The following ZDHHC14 variants were observed in gnomAD, a reference collection of about 807,000 sequenced individuals.
ZDHHC14 encodes the protein zDHHC palmitoyltransferase 14.
A neutral mutation model predicts 47.7 loss-of-function variants in ZDHHC14; 16 were observed. That is an observed-to-expected ratio of 0.34 (90% CI 0.23 to 0.51). The LOEUF (loss-of-function observed/expected upper bound fraction) is 0.51. Among genes scored for constraint, ZDHHC14 ranks in the 20% least tolerant of loss-of-function variants. The probability of loss-of-function intolerance (pLI) is 0.97; values close to 1 mark genes in which losing one functional copy is unlikely to be tolerated. For synonymous variants in ZDHHC14, 293 were observed against 278.9 expected (o/e 1.05, Z -0.50); for missense variants, 515 against 662.5 (o/e 0.78, Z 2.44).
intron 1 of ZDHHC14, among the ~76,000 whole-genome samples, chr6:157,443,986 A>T (rs1778610993): frequency 6.9e-6 from 1 of 144,696 alleles, no homozygotes; most frequent in South Asian, 2.1e-4. Flanking sequence ...TATTTTTCAG[A>T]GTCAGCTAGC....
chr6:157,619,491 T>C (rs1298852016), intron 3 of ZDHHC14, among the ~76,000 whole-genome samples: 1 of 152,200 alleles, frequency 6.6e-6, no homozygotes, highest in Non-Finnish European at 1.5e-5. Context: ...CTCTGTTGTC[T>C]AGTAGTCAAG....
intron 3 of ZDHHC14, among the ~76,000 whole-genome samples, chr6:157,619,357 C>CTCCA (rs1249818761): frequency 6.6e-6 from 1 of 152,216 alleles, no homozygotes; most frequent in Non-Finnish European, 1.5e-5. Flanking sequence ...CACCACTGTA[C>CTCCA]TCCAGCCTGG....
chr6:157,677,781 C>T lies in ZDHHC14; in HGVS notation c.*4659C>T, dbSNP rs1320572739. On this transcript the variant is annotated 3_prime_UTR_variant, in exon 9 of 9. Transcript: ENST00000359775. ...CAAGATGCCTGGTGAAACCGAGAGG[C>T]CACATGGCATGTCCAAGGAGACATG... 1 of 151,602 alleles carries T rather than the reference C, an allele frequency of 6.6e-6. No homozygotes were observed. The highest frequency in any genetic ancestry group is 1.5e-5 in the Non-Finnish European group (1 of 67,966). The allele number at this position is 151,602 out of a possible 1,614,324, so 9.4% of individuals were successfully genotyped here. A position where few individuals can be genotyped will look rare whatever the true frequency, so the allele number is the denominator to read the frequency against.
chr6:157,617,382 C>T (rs991788737), intron 3 of ZDHHC14, among the ~76,000 whole-genome samples: 3 of 152,116 alleles, frequency 2.0e-5, no homozygotes, highest in East Asian at 1.9e-4. Flanking sequence ...AGAGGGTCCT[C>T]GTTCTTTTTG....
At chr6:157,391,122 C>T (rs752917787) in intron 1 of ZDHHC14, among the ~76,000 whole-genome samples, 10 of 152,194 alleles carry the variant, frequency 6.6e-5, no homozygotes. Context: ...ATCAGGACTT[C>T]CCCCTTAGCA....
At chr6:157,454,208 C>G (rs751880705) in intron 1 of ZDHHC14, among the ~76,000 whole-genome samples, 1 of 152,168 alleles carries the variant, frequency 6.6e-6, no homozygotes, top group South Asian at 2.1e-4. Context: ...GCACTTCCAT[C>G]ATCCAAAACA....
intron 1 of ZDHHC14, among the ~76,000 whole-genome samples, chr6:157,434,356 GC>G (rs755106263): frequency 2.6e-5 from 4 of 151,914 alleles, no homozygotes; most frequent in Non-Finnish European, 4.4e-5. Context: ...CTGCCAGCCG[GC>G]CGAGAACACC....
chr6:157,394,549 G>A (rs1278783613), intron 1 of ZDHHC14, among the ~76,000 whole-genome samples: 4 of 152,180 alleles, frequency 2.6e-5, no homozygotes, highest in Non-Finnish European at 2.9e-5. Flanking sequence ...CATAGCAATA[G>A]AGGTGACAGT....
At chr6:157,558,001 T>A (rs775067716) in intron 2 of ZDHHC14, among the ~76,000 whole-genome samples, 34 of 152,266 alleles carry the variant, frequency 2.2e-4, no homozygotes, top group Non-Finnish European at 1.5e-5. Context: ...CAGCAGCCAC[T>A]GTATAATAGT....
chr6:157,522,983 T>TCCTTCCTTCC (rs1562461110), intron 1 of ZDHHC14, among the ~76,000 whole-genome samples: 100 of 34,972 alleles, frequency 2.9e-3, no homozygotes, highest in African/African-American at 0.018. Context: ...TTCTTTTCTT[T>TCCTTCCTTCC]TTCTTTTCTT....
At chr6:157,601,674 A>T (rs1453232551) in intron 3 of ZDHHC14, among the ~76,000 whole-genome samples, 1 of 152,240 alleles carries the variant, frequency 6.6e-6, no homozygotes, top group East Asian at 1.9e-4. Flanking sequence ...TTTCAAACCT[A>T]GAACGATGCA....
At chr6:157,523,065 A>G (rs1324265696) in intron 1 of ZDHHC14, among the ~76,000 whole-genome samples, 1 of 149,572 alleles carries the variant, frequency 6.7e-6, no homozygotes, top group Admixed American at 6.7e-5. Context: ...ACAGACATCT[A>G]GGGCGGCTGT....
rs992874497 is a variant in ZDHHC14 at position 157,381,391 on chromosome 6, G to A, written c.-631G>A. On this transcript the variant is annotated 5_prime_UTR_variant, in exon 1 of 9. Coordinates refer to ENST00000359775, the MANE Select transcript of ZDHHC14 (RefSeq NM_024630.3). ...GCGACACCGGGTCGCGGTGCGAGCG[G>A]CGCCCCGGCTCTCGCCGAGAGGCTC... The A allele has an allele frequency of 6.5e-5, 12 of 184,420 alleles. No homozygotes were observed. The Admixed American group carries it at 7.5e-4, about 11-fold the overall frequency. 11.4% of individuals were successfully genotyped at this position (184,420 alleles called of 1,614,324 possible).
chr6:157,422,494 C>T (rs554331511), intron 1 of ZDHHC14, among the ~76,000 whole-genome samples: 4 of 152,296 alleles, frequency 2.6e-5, no homozygotes, highest in Admixed American at 6.5e-5. Context: ...TCTAGTGGAG[C>T]GTTACCCCGG....
Position 157,503,825 on chromosome 6 carries a change from G to A in ZDHHC14, c.246-38760G>A, listed in dbSNP as rs1411865417. 4.6e-5 allele frequency among the ~76,000 whole-genome samples: 7 copies of A among 152,128 alleles called. No individual in the cohort carries two copies. In the South Asian group the frequency reaches 6.2e-4, roughly 14 times the overall value. Reference sequence around the variant, plus strand: ...ATTAAGAAGTCTGACATTACCAAGCGTTGGCAATGATGCGTATGAGGAAAC... The same window carrying A: ...ATTAAGAAGTCTGACATTACCAAGCATTGGCAATGATGCGTATGAGGAAAC... On this transcript the variant is annotated intron_variant, in intron 1 of 8. Transcript: ENST00000359775.
intron 3 of ZDHHC14, among the ~76,000 whole-genome samples, chr6:157,603,086 G>T (rs905311177): frequency 2.6e-5 from 4 of 152,282 alleles, no homozygotes; most frequent in Non-Finnish European, 5.9e-5. Flanking sequence ...CTTACTGCAG[G>T]CTGGGACGTC....
intron 2 of ZDHHC14, among the ~76,000 whole-genome samples, chr6:157,554,839 T>A (rs1782390993): frequency 6.6e-6 from 1 of 152,234 alleles, no homozygotes; most frequent in Admixed American, 6.5e-5. Context: ...CAGGAATGCC[T>A]ATGACTCTCA....
chr6:157,522,788 CA>C, intron 1 of ZDHHC14, among the ~76,000 whole-genome samples: 1 of 32,318 alleles, frequency 3.1e-5, no homozygotes, highest in Non-Finnish European at 5.2e-5. Flanking sequence ...TCTCTCTTTC[CA>C]TTCCTCCCTC....
intron 2 of ZDHHC14, chr6:157,592,656 G>A: frequency 2.4e-6 from 2 of 837,446 alleles, no homozygotes; most frequent in Non-Finnish European, 1.5e-6. Context: ...TCCCAAGATG[G>A]CCTGGGGCCT....
Sources: allele counts gnomAD v4.1 joint callset (sites outside exome capture counted in the v4.1 genomes callset), GRCh38; gene constraint gnomAD v4.1.1; transcripts MANE v1.5; gene names NCBI Gene and HGNC (gene_info 2026-07-23, HGNC 2026-07-21).